Variants in FAM117A observed in about 807,000 individuals in gnomAD.
FAM117A encodes the protein family with sequence similarity 117 member A.
FAM117A carries 21 observed loss-of-function variants against 44.1 expected under a neutral mutation model. The observed-to-expected ratio is 0.48, with a 90% confidence interval of 0.34 to 0.69. The LOEUF is 0.69. FAM117A is among the 30% of genes least tolerant of loss of function. FAM117A has a pLI of 0.01. For synonymous variants in FAM117A, 220 were observed against 238.3 expected, an observed-to-expected ratio of 0.92 and a Z score of 0.71; for missense variants, 498 against 589.9, an observed-to-expected ratio of 0.84 and a Z score of 1.61.
chr17:49,759,262 C>T (rs527548230), intron 1 of FAM117A, among the ~76,000 whole-genome samples: 6 of 152,238 alleles, frequency 3.9e-5, no homozygotes, highest in Non-Finnish European at 8.8e-5. Flanking sequence ...TGGACTCACA[C>T]TCCTTTGGGT....
At chr17:49,780,672 C>T (rs2073787062) in intron 1 of FAM117A, among the ~76,000 whole-genome samples, 1 of 151,890 alleles carries the variant, frequency 6.6e-6, no homozygotes, top group East Asian at 1.9e-4. Context: ...CGCCCAGCCT[C>T]TCCTCACCAC....
chr17:49,716,129 CT>C, intron 7 of FAM117A, 35 bp downstream of exon 7: 2 of 1,519,814 alleles, frequency 1.3e-6, no homozygotes, highest in Non-Finnish European at 9.1e-7. Flanking sequence ...TAGGCCCACC[CT>C]CCCCTCCCAC....
rs142612054 is a variant in FAM117A, at chr17:49,712,406, A to G, written c.1062-851T>C. ...ACGACTCCTCCCCTCTAGTTGTGAC[A>G]ACTAAAAATGTCTCTTGATATTGCC... is the stretch of plus-strand genomic sequence containing the variant. On this transcript the variant is annotated intron_variant, in intron 7 of 7. Transcript: ENST00000240364. Among the ~76,000 whole-genome samples the G allele has an allele frequency of 8.3e-3, 1,258 of 152,338 alleles. 11 individuals are homozygous for G. Among genetic ancestry groups the G allele is most frequent in the African/African-American group, 0.011 (477 of 41,576 alleles).
At chr17:49,775,051 C>T (rs528209428) in intron 1 of FAM117A, among the ~76,000 whole-genome samples, 1 of 151,964 alleles carries the variant, frequency 6.6e-6, no homozygotes, top group Admixed American at 6.5e-5. Context: ...TGCAGTGGCG[C>T]GATCTCAGCT....
At chr17:49,776,067 C>T (rs771704208) in intron 1 of FAM117A, among the ~76,000 whole-genome samples, 2 of 152,280 alleles carry the variant, frequency 1.3e-5, no homozygotes, top group African/African-American at 4.8e-5. Context: ...AACATCAAGG[C>T]TCCAGGAAGG....
intron 4 of FAM117A, 132 bp from the exon 5 acceptor site, chr17:49,720,026 C>T: frequency 1.5e-6 from 2 of 1,302,500 alleles, no homozygotes; most frequent in Non-Finnish European, 2.1e-6. Context: ...GGGACAGTTA[C>T]AGATTGCAAT....
chr17:49,736,617 C>T (rs1171482875), intron 1 of FAM117A, among the ~76,000 whole-genome samples: 1 of 152,244 alleles, frequency 6.6e-6, no homozygotes, highest in Non-Finnish European at 1.5e-5. Context: ...TTATACCTCA[C>T]TCTTCCTTAA....
chr17:49,767,285 G>A (rs1436708263), upstream of FAM117A, among the ~76,000 whole-genome samples: 1 of 152,204 alleles, frequency 6.6e-6, no homozygotes, highest in South Asian at 2.1e-4. Context: ...GAGATGACTT[G>A]CATTCATTAC....
chr17:49,739,037 T>C (rs900855203), intron 1 of FAM117A, among the ~76,000 whole-genome samples: 18 of 152,144 alleles, frequency 1.2e-4, no homozygotes, highest in African/African-American at 4.3e-4. Context: ...CCACCCCAGA[T>C]ATCTAGTAGG....
intron 1 of FAM117A, among the ~76,000 whole-genome samples, chr17:49,749,447 C>T (rs768918343): frequency 4.0e-5 from 6 of 151,256 alleles, no homozygotes; most frequent in East Asian, 3.9e-4. Flanking sequence ...CATGGTGGCA[C>T]GCGCCTGTAG....
intron 7 of FAM117A, among the ~76,000 whole-genome samples, chr17:49,714,792 G>A (rs575112513): frequency 6.6e-6 from 1 of 151,962 alleles, no homozygotes; most frequent in East Asian, 1.9e-4. Flanking sequence ...GATAACAGGT[G>A]CCTGCCACCA....
intron 1 of FAM117A, among the ~76,000 whole-genome samples, chr17:49,734,619 T>TA (rs545809506): frequency 1.0e-3 from 154 of 150,910 alleles, no homozygotes; most frequent in African/African-American, 3.5e-3. Flanking sequence ...AAATAAAAAT[T>TA]AAAAAAAATA....
chr17:49,764,188 C>T (rs1598035464), upstream of FAM117A: 1 of 572,636 alleles, frequency 1.7e-6, no homozygotes, highest in Non-Finnish European at 2.7e-6. Flanking sequence ...GGACCGGCCC[C>T]CTCATCCTAG....
At chr17:49,778,008 G>C (rs1408337450) in intron 1 of FAM117A, among the ~76,000 whole-genome samples, 1 of 152,224 alleles carries the variant, frequency 6.6e-6, no homozygotes, top group Non-Finnish European at 1.5e-5. Flanking sequence ...GGAAGAAGAT[G>C]CACTTTGTGG....
At chr17:49,769,163 C>CA (rs2073753518) in intron 1 of FAM117A, among the ~76,000 whole-genome samples, 1 of 152,056 alleles carries the variant, frequency 6.6e-6, no homozygotes. Context: ...GCCATGGTGG[C>CA]ACGCGCCTGT....
chr17:49,758,642 T>TAA (rs112755250), intron 1 of FAM117A, among the ~76,000 whole-genome samples: 6 of 44,374 alleles, frequency 1.4e-4, no homozygotes, highest in African/African-American at 3.9e-4. Context: ...AAAAATAAAA[T>TAA]AAATAAATAA....
chr17:49,716,331 G>A lies in FAM117A; in HGVS notation c.911-16C>T. 2 of 1,546,762 alleles carry A rather than the reference G, an allele frequency of 1.3e-6. No homozygotes were observed. Among genetic ancestry groups the A allele is most frequent in the Non-Finnish European group, 1.7e-6 (2 of 1,146,108 alleles). On this transcript the variant is annotated splice_polypyrimidine_tract_variant and intron_variant, in intron 6 of 7. Transcript: ENST00000240364. ...GGAGAGGAGGCTGTGAACAGAGCAA[G>A]GCTAAGTCTAGTGGAGATGAAGGGA...
At chr17:49,758,351 T>C (rs1299404414) in intron 1 of FAM117A, among the ~76,000 whole-genome samples, 1 of 144,404 alleles carries the variant, frequency 6.9e-6, no homozygotes, top group African/African-American at 2.6e-5. Flanking sequence ...ATAGGCCGGG[T>C]GCGGTGGCTC....
At chr17:49,764,455 T>C (rs1213968804), upstream of FAM117A, among the ~76,000 whole-genome samples, 2 of 140,940 alleles carry the variant, frequency 1.4e-5, no homozygotes, top group Non-Finnish European at 3.2e-5. Flanking sequence ...AGTATGCAAA[T>C]ATAATGTCAC....
Sources: allele counts gnomAD v4.1 joint callset (sites outside exome capture counted in the v4.1 genomes callset), GRCh38; gene constraint gnomAD v4.1.1; transcripts MANE v1.5; gene names NCBI Gene and HGNC (gene_info 2026-07-23, HGNC 2026-07-21).